The following SPMIP6 variants were observed in gnomAD, a reference collection of about 807,000 sequenced individuals.
The protein encoded by SPMIP6 is ciliated bronchial epithelial protein 1.
At chr9:34,385,221 A>G in the SPMIP6 span, among the ~76,000 whole-genome samples, 1 of 151,776 alleles carries the variant, frequency 6.6e-6, no homozygotes, top group Admixed American at 6.6e-5. Flanking sequence ...TCATGGGTGG[A>G]GATAAAGTTG....
the SPMIP6 span, among the ~76,000 whole-genome samples, chr9:34,389,720 C>T: frequency 1.8e-4 from 28 of 152,168 alleles, no homozygotes; most frequent in African/African-American, 6.3e-4. Flanking sequence ...TATATCTCTC[C>T]ATTTATTTAA....
chr9:34,380,029 A>G, the SPMIP6 span, among the ~76,000 whole-genome samples: 2 of 152,228 alleles, frequency 1.3e-5, no homozygotes, highest in Non-Finnish European at 2.9e-5. Flanking sequence ...GCCACTGGAC[A>G]GCAATTTCTC....
the SPMIP6 span, among the ~76,000 whole-genome samples, chr9:34,388,932 CTTT>C: frequency 7.3e-5 from 8 of 109,810 alleles, no homozygotes; most frequent in African/African-American, 1.8e-4. Context: ...CTCTCTCTTT[CTTT>C]TTTTTTTTTT....
At chr9:34,392,442 C>CGTGTGTGTGTGTGTGTGT in the SPMIP6 span, among the ~76,000 whole-genome samples, 24 of 148,118 alleles carry the variant, frequency 1.6e-4, no homozygotes, top group Admixed American at 4.7e-4. This position sits in a 1 kb window ranked among gnomAD's most constrained non-coding sequence, Gnocchi z 4.6. Context: ...ATCTAAAAAC[C>CGTGTGTGTGTGTGTGTGT]GTGTGTGTGT....
chr9:34,397,296 G>A, the SPMIP6 span, among the ~76,000 whole-genome samples: 2 of 152,078 alleles, frequency 1.3e-5, no homozygotes, highest in African/African-American at 4.8e-5. Context: ...CTTATTATCT[G>A]CCTGTTCCTA....
At chr9:34,386,135 G>A in the SPMIP6 span, among the ~76,000 whole-genome samples, 5 of 152,160 alleles carry the variant, frequency 3.3e-5, no homozygotes, top group African/African-American at 1.2e-4. Flanking sequence ...TGCTGCCTGG[G>A]AGCAGGGCTG....
At chr9:34,388,815 T>C in the SPMIP6 span, among the ~76,000 whole-genome samples, 2 of 152,200 alleles carry the variant, frequency 1.3e-5, no homozygotes. Context: ...TAATTCTTTA[T>C]ATATTCTGTA....
the SPMIP6 span, among the ~76,000 whole-genome samples, chr9:34,379,395 T>A: frequency 1.3e-5 from 2 of 152,248 alleles, no homozygotes; most frequent in African/African-American, 4.8e-5. The surrounding 1 kb of genome is among the most constrained non-coding windows in gnomAD (Gnocchi z 4.2). Context: ...CTTCAAGCTC[T>A]GAACCAACGC....
At chr9:34,395,002 G>C in the SPMIP6 span, among the ~76,000 whole-genome samples, 4 of 145,764 alleles carry the variant, frequency 2.7e-5, no homozygotes, top group East Asian at 7.9e-4. Context: ...GCCTCGCTCT[G>C]TCATCCAGGC....
chr9:34,397,373 T>C, the SPMIP6 span: 1 of 1,057,796 alleles, frequency 9.5e-7, no homozygotes, highest in Non-Finnish European at 1.4e-6. Context: ...TTGTAAATTC[T>C]GTGCCTAGGT....
the SPMIP6 span, chr9:34,397,626 AGGAACAT>A: frequency 6.2e-7 from 1 of 1,604,008 alleles, no homozygotes. Flanking sequence ...ACGGGAGAAC[AGGAACAT>A]GGTGTGGTCT....
the SPMIP6 span, among the ~76,000 whole-genome samples, chr9:34,396,537 T>C: frequency 1.3e-5 from 2 of 152,162 alleles, no homozygotes; most frequent in Non-Finnish European, 2.9e-5. Context: ...TGGAGCCTTA[T>C]GTCCACGCTC....
At chr9:34,385,930 G>A in the SPMIP6 span, 2 of 701,974 alleles carry the variant, frequency 2.8e-6, no homozygotes, top group Non-Finnish European at 2.4e-6. Flanking sequence ...TCCCATGCTA[G>A]CCTTGGCTCC....
chr9:34,385,825 C>T, the SPMIP6 span: 3 of 1,588,472 alleles, frequency 1.9e-6, no homozygotes, highest in Non-Finnish European at 1.7e-6. Context: ...GCACAGAGAC[C>T]CCAGCCCTGG....
the SPMIP6 span, among the ~76,000 whole-genome samples, chr9:34,386,763 G>C: frequency 1.3e-4 from 20 of 152,090 alleles, no homozygotes; most frequent in Non-Finnish European, 1.8e-4. Flanking sequence ...GTGCTTTTTG[G>C]GGTTCACCTC....
chr9:34,381,650 G>A, the SPMIP6 span: 2 of 1,423,212 alleles, frequency 1.4e-6, no homozygotes, highest in Non-Finnish European at 1.8e-6. The surrounding 1 kb of genome is among the most constrained non-coding windows in gnomAD (Gnocchi z 4.4). Context: ...GGTAGGAAGG[G>A]CTGAAGGTGG....
chr9:34,379,732 T>G, the SPMIP6 span: 1 of 1,613,334 alleles, frequency 6.2e-7, no homozygotes, highest in Non-Finnish European at 8.5e-7. The surrounding 1 kb of genome is among the most constrained non-coding windows in gnomAD (Gnocchi z 4.2). Context: ...GAGGTACACA[T>G]CTGGAGAAGG....
chr9:34,380,935 G>GT, the SPMIP6 span: 4 of 1,598,458 alleles, frequency 2.5e-6, no homozygotes, highest in South Asian at 3.3e-5. Context: ...GCCGCAGGCG[G>GT]CGGTCGGTGC....
At chr9:34,382,192 G>T in the SPMIP6 span, among the ~76,000 whole-genome samples, 2 of 152,172 alleles carry the variant, frequency 1.3e-5, no homozygotes, top group Non-Finnish European at 2.9e-5. Flanking sequence ...TCCCTACAGA[G>T]CCCAGCCAGG....
Sources: gnomAD v4.1 joint callset for allele counts (sites outside exome capture counted in the v4.1 genomes callset) on GRCh38, gnomAD v4.1.1 for gene constraint, Gnocchi (gnomAD v3.1) non-coding constraint, MANE v1.5 for transcripts, NCBI Gene and HGNC (gene_info 2026-07-23, HGNC 2026-07-21) for gene names.